The following ZFYVE1 variants were observed in gnomAD, a reference collection of about 807,000 sequenced individuals.
ZFYVE1 encodes the protein zinc finger FYVE domain-containing protein 1.
Under a neutral mutation model 74.4 loss-of-function variants are expected in ZFYVE1, and 30 were observed. The ratio of observed to expected loss-of-function variants is 0.40; its 90% CI spans 0.30 to 0.55. ZFYVE1 has a LOEUF of 0.55. Among genes scored for constraint, ZFYVE1 ranks in the 20% least tolerant of loss-of-function variants. The pLI is 0.42. For missense variants in ZFYVE1, 703 were observed against 1,011.6 expected (o/e 0.69, Z 4.14); for synonymous variants, 335 against 385.1 (o/e 0.87, Z 1.52).
intron 4 of ZFYVE1, among the ~76,000 whole-genome samples, chr14:72,984,197 T>C (rs2806025): frequency 0.99 from 150,454 of 152,286 alleles, 74,347 homozygotes; most frequent in Middle Eastern, 1. Flanking sequence ...TGACAAATAA[T>C]GCATAAGTCC....
intron 4 of ZFYVE1, among the ~76,000 whole-genome samples, chr14:72,992,784 T>C (rs1893651476): frequency 6.6e-6 from 1 of 151,922 alleles, no homozygotes; most frequent in Non-Finnish European, 1.5e-5. Context: ...TTAATTTAAA[T>C]AAGAAAAAAA....
intron 2 of ZFYVE1, among the ~76,000 whole-genome samples, chr14:73,008,173 G>C (rs1191849777): frequency 1.3e-5 from 2 of 151,552 alleles, no homozygotes; most frequent in East Asian, 3.9e-4. Context: ...ATTTTTTTGT[G>C]TGTGAGACGG....
intron 5 of ZFYVE1, among the ~76,000 whole-genome samples, chr14:72,979,401 G>A (rs546789353): frequency 6.6e-6 from 1 of 152,190 alleles, no homozygotes; most frequent in Admixed American, 6.5e-5. Flanking sequence ...TCGGGAGGCT[G>A]AGGCAGGAGA....
chr14:73,003,647 T>C (rs1162764966), intron 2 of ZFYVE1, among the ~76,000 whole-genome samples: 1 of 151,826 alleles, frequency 6.6e-6, no homozygotes, highest in African/African-American at 2.4e-5. Context: ...GAGGTGGAGG[T>C]TGCAGTGGGC....
At chr14:73,010,600 CA>C (rs34902764) in intron 2 of ZFYVE1, among the ~76,000 whole-genome samples, 8,495 of 140,330 alleles carry the variant, frequency 0.061, 323 homozygotes, top group Non-Finnish European at 0.094. Context: ...AACTCCGTCT[CA>C]AAAAAAAAAA....
In ZFYVE1 at chr14:72,993,326, G is replaced by A. The variant is rs779408547; in HGVS notation, c.1020C>T (p.Ile340=). The A allele has an allele frequency of 1.7e-5, 28 of 1,613,132 alleles. No homozygotes were observed. Among genetic ancestry groups the A allele is most frequent in the Non-Finnish European group, 1.3e-5 (15 of 1,179,892 alleles). ...DHPSEVPEKL[I]QDRFRKLGRF... ...GGCCCAGCTTCCGGAACCGGTCCTG[G>A]ATGAGCTTCTCTGGCACCTCTGAGG... The change falls in exon 4 of 12, where the codon ATC becomes ATT. Residue 340 remains isoleucine, a synonymous_variant. Coordinates refer to ENST00000556143, the MANE Select transcript of ZFYVE1 (RefSeq NM_021260.4).
Position 73,024,664 on chromosome 14 carries a change from C to G in ZFYVE1, c.-156G>C. The G allele has an allele frequency of 1.8e-6, 2 of 1,129,072 alleles. No individual in the cohort carries two copies. The allele number at this position is 1,129,072 out of a possible 1,614,324, so 69.9% of individuals were successfully genotyped here. Reference sequence around the variant, plus strand: ...CCTTTCATGTCCTGTTATAGTTCTTCACAAACAAATGTTCAAATTTTTAAT... The same window carrying G: ...CCTTTCATGTCCTGTTATAGTTCTTGACAAACAAATGTTCAAATTTTTAAT... On this transcript the variant is annotated 5_prime_UTR_variant, in exon 2 of 12. Coordinates refer to ENST00000556143, the MANE Select transcript of ZFYVE1 (RefSeq NM_021260.4).
chr14:73,011,920 CA>C (rs992316232), intron 2 of ZFYVE1, among the ~76,000 whole-genome samples: 1 of 150,956 alleles, frequency 6.6e-6, no homozygotes, highest in Admixed American at 6.6e-5. Flanking sequence ...CAATCTTCTT[CA>C]AAAGAATGAT....
At chr14:72,994,410 T>G (rs1893697443) in intron 3 of ZFYVE1, among the ~76,000 whole-genome samples, 1 of 150,646 alleles carries the variant, frequency 6.6e-6, no homozygotes, top group Admixed American at 6.6e-5. Context: ...ATCTATGCTG[T>G]GAGAACTCAG....
At chr14:73,023,200 T>G (rs1894357897) in intron 2 of ZFYVE1, among the ~76,000 whole-genome samples, 1 of 138,576 alleles carries the variant, frequency 7.2e-6, no homozygotes. Context: ...ATATTTTATA[T>G]ATGTTTTATA....
At chr14:72,998,412 T>A (rs1054261130) in intron 2 of ZFYVE1, 97 bp from the exon 3 acceptor site, 1 of 1,206,554 alleles carries the variant, frequency 8.3e-7, no homozygotes, top group African/African-American at 1.5e-5. Context: ...AGGAACTTGA[T>A]TGAATTGTCA....
chr14:72,972,687 C>T (rs1893064566), intron 11 of ZFYVE1, among the ~76,000 whole-genome samples: 1 of 151,848 alleles, frequency 6.6e-6, no homozygotes, highest in Non-Finnish European at 1.5e-5. Context: ...ACATCCAGGG[C>T]TGGGTAGCTA....
At chr14:73,010,261 T>A (rs1894060505) in intron 2 of ZFYVE1, among the ~76,000 whole-genome samples, 1 of 151,856 alleles carries the variant, frequency 6.6e-6, no homozygotes. Flanking sequence ...AGGTCAGGAG[T>A]TTGAGACTAG....
chr14:73,022,991 C>T (rs1473931668), intron 2 of ZFYVE1, among the ~76,000 whole-genome samples: 2 of 151,432 alleles, frequency 1.3e-5, no homozygotes, highest in African/African-American at 2.4e-5. Flanking sequence ...GGTGAACCCC[C>T]GTCTCTACTA....
intron 4 of ZFYVE1, among the ~76,000 whole-genome samples, chr14:72,982,634 A>G (rs9671668): frequency 0.13 from 19,588 of 152,186 alleles, 1,552 homozygotes; most frequent in East Asian, 0.2. Flanking sequence ...CGCTTTCCAC[A>G]CTTTAGAAAT....
At chr14:73,008,401 G>A (rs542815528) in intron 2 of ZFYVE1, among the ~76,000 whole-genome samples, 5 of 152,194 alleles carry the variant, frequency 3.3e-5, no homozygotes, top group South Asian at 4.1e-4. Context: ...TCAGTGATCC[G>A]TCCGTCTCAG....
chr14:72,985,601 G>A (rs990618317), intron 4 of ZFYVE1, among the ~76,000 whole-genome samples: 1 of 151,818 alleles, frequency 6.6e-6, no homozygotes, highest in Admixed American at 6.6e-5. Context: ...CAAGGTGCTG[G>A]GGTTACAGGC....
At position 72,977,998 on chromosome 14, in the gene ZFYVE1, G is replaced by A. The variant is rs1893219399; in HGVS notation, c.1564C>T (p.Gln522Ter). ...GGATCTTGGTTTCCAAACCAGTACTGCCGACTACGATAGACCACGCCACAG... is the reference window on the plus strand; with the variant it reads ...GGATCTTGGTTTCCAAACCAGTACTACCGACTACGATAGACCACGCCACAG... ...PNCGVVYRSR[Q>*]YWFGNQDPVD... is the part of the protein sequence containing the mutation. Residue 522 changes from glutamine to a stop codon, truncating the protein, a stop_gained, in exon 8 of 12, where the codon CAG (glutamine) becomes TAG (stop). Transcript: ENST00000556143. LOFTEE classifies it high-confidence loss of function. The A allele has an allele frequency of 6.2e-7, 1 of 1,614,060 alleles. No homozygotes were observed.
chr14:73,012,192 T>G lies in ZFYVE1; in HGVS notation c.483+11834A>C, dbSNP rs138872258. Among the ~76,000 whole-genome samples the G allele has an allele frequency of 2.5e-3, 385 of 151,680 alleles. 1 individual carries two copies. The highest frequency in any genetic ancestry group is 3.9e-3 in the Non-Finnish European group (267 of 67,858). On this transcript the variant is annotated intron_variant, in intron 2 of 11. Transcript: ENST00000556143. ...AGAAAGAAAGGAAAAGGGGAAGAGG[T>G]AGATAGGTTGTCTGTCAAATATCAC...
Sources: gnomAD v4.1 joint callset for allele counts (sites outside exome capture counted in the v4.1 genomes callset) on GRCh38, gnomAD v4.1.1 for gene constraint, MANE v1.5 for transcripts, NCBI Gene and HGNC (gene_info 2026-07-23, HGNC 2026-07-21) for gene names.